The following ITFG1 variants were observed in gnomAD, a reference collection of about 807,000 sequenced individuals.
ITFG1 encodes integrin alpha FG-GAP repeat containing 1, also known as T-cell immunomodulatory protein.
Under a neutral mutation model 81.8 loss-of-function variants are expected in ITFG1, and 34 were observed. The observed-to-expected ratio is 0.42, with a 90% CI of 0.32 to 0.55. ITFG1 has a LOEUF of 0.55. Ranked by LOEUF, ITFG1 falls within the 20% of genes least tolerant of loss-of-function variation. The probability of loss-of-function intolerance (pLI) is 0.17; values close to 1 mark genes in which losing one functional copy is unlikely to be tolerated. For missense variants in ITFG1, 672 were observed against 755.4 expected (o/e 0.89, Z 1.29); for synonymous variants, 285 against 270.6 (o/e 1.05, Z -0.52).
At chr16:47,361,922 C>T (rs972242246) in intron 8 of ITFG1, among the ~76,000 whole-genome samples, 1 of 152,164 alleles carries the variant, frequency 6.6e-6, no homozygotes, top group Non-Finnish European at 1.5e-5. Flanking sequence ...CCTCTTCCCT[C>T]TTAAAGGGCT....
At chr16:47,457,521 A>T (rs1342447850) in intron 2 of ITFG1, among the ~76,000 whole-genome samples, 4 of 152,098 alleles carry the variant, frequency 2.6e-5, no homozygotes, top group Non-Finnish European at 5.9e-5. Flanking sequence ...TTAGTGTAAA[A>T]TTTTATTTTA....
chr16:47,199,652 A>G (rs905870695), intron 14 of ITFG1, among the ~76,000 whole-genome samples: 17 of 152,288 alleles, frequency 1.1e-4, no homozygotes, highest in Admixed American at 1.1e-3. Context: ...TTTGTGGAAG[A>G]CAATTTTTCC....
chr16:47,438,948 A>G (rs1969207375), intron 5 of ITFG1, among the ~76,000 whole-genome samples: 1 of 152,130 alleles, frequency 6.6e-6, no homozygotes, highest in Non-Finnish European at 1.5e-5. Flanking sequence ...AAAAAATTAG[A>G]CGAATGGATA....
intron 8 of ITFG1, among the ~76,000 whole-genome samples, chr16:47,340,053 T>C (rs1355332686): frequency 2.0e-5 from 3 of 152,054 alleles, no homozygotes; most frequent in Admixed American, 1.3e-4. Flanking sequence ...AGTGGGATGA[T>C]GTATTTAAAA....
intron 8 of ITFG1, among the ~76,000 whole-genome samples, chr16:47,350,452 T>A (rs961195556): frequency 6.6e-6 from 1 of 152,182 alleles, no homozygotes; most frequent in African/African-American, 2.4e-5. Flanking sequence ...ACAAATAAAC[T>A]AGAAACTCTA....
intron 10 of ITFG1, among the ~76,000 whole-genome samples, chr16:47,273,354 C>T (rs946178107): frequency 4.6e-5 from 7 of 152,078 alleles, no homozygotes; most frequent in Non-Finnish European, 1.0e-4. Flanking sequence ...AAAAATTAAA[C>T]ATTAAAAAAA....
chr16:47,250,821 G>A (rs528858667), intron 12 of ITFG1, among the ~76,000 whole-genome samples: 1 of 152,334 alleles, frequency 6.6e-6, no homozygotes, highest in African/African-American at 2.4e-5. Context: ...CAATGGGGGT[G>A]GACCCCCCAG....
chr16:47,164,463 C>T (rs1042531714), intron 14 of ITFG1, among the ~76,000 whole-genome samples: 2 of 152,176 alleles, frequency 1.3e-5, no homozygotes, highest in Non-Finnish European at 2.9e-5. Flanking sequence ...TTCCTGCTTA[C>T]GCAGGGCTTC....
chr16:47,177,596 T>C (rs1420705499), intron 14 of ITFG1, among the ~76,000 whole-genome samples: 2 of 152,222 alleles, frequency 1.3e-5, no homozygotes, highest in Non-Finnish European at 2.9e-5. Flanking sequence ...CATATTGTAA[T>C]TCTATAAGAT....
intron 13 of ITFG1, among the ~76,000 whole-genome samples, chr16:47,229,060 A>G (rs1406464068): frequency 6.6e-6 from 1 of 152,198 alleles, no homozygotes; most frequent in East Asian, 1.9e-4. Flanking sequence ...TACCTCAAAT[A>G]TTTGTCATGT....
chr16:47,418,383 T>C (rs1968899381), intron 6 of ITFG1, among the ~76,000 whole-genome samples: 1 of 152,176 alleles, frequency 6.6e-6, no homozygotes. Context: ...TAGCACAACA[T>C]AGTCCCATTT....
intron 8 of ITFG1, among the ~76,000 whole-genome samples, chr16:47,324,423 A>G (rs1170249403): frequency 1.3e-5 from 2 of 152,178 alleles, no homozygotes; most frequent in Non-Finnish European, 2.9e-5. Flanking sequence ...AAGAAACTGC[A>G]TCAACTAACA....
intron 12 of ITFG1, among the ~76,000 whole-genome samples, chr16:47,256,796 C>T (rs192845164): frequency 3.9e-5 from 6 of 152,300 alleles, no homozygotes; most frequent in East Asian, 1.9e-4. Flanking sequence ...AACACTAATA[C>T]GTTCTGTTGC....
intron 10 of ITFG1, among the ~76,000 whole-genome samples, chr16:47,303,490 G>A (rs1018739643): frequency 9.8e-4 from 1 of 1,024 alleles, no homozygotes; most frequent in Admixed American, 0.017. Flanking sequence ...TAATCTATCA[G>A]CCTTAGGGGG....
intron 6 of ITFG1, among the ~76,000 whole-genome samples, chr16:47,422,929 G>A (rs1968969873): frequency 6.6e-6 from 1 of 152,186 alleles, no homozygotes; most frequent in Non-Finnish European, 1.5e-5. Context: ...TTCTGTAGAT[G>A]TCTATTAGGT....
intron 10 of ITFG1, among the ~76,000 whole-genome samples, chr16:47,300,407 A>G (rs1209768311): frequency 2.0e-5 from 3 of 152,248 alleles, no homozygotes; most frequent in Non-Finnish European, 2.9e-5. Context: ...GACCTCTGAC[A>G]TGAATGGCTG....
intron 13 of ITFG1, among the ~76,000 whole-genome samples, chr16:47,234,352 A>C (rs1402979640): frequency 6.6e-6 from 1 of 152,236 alleles, no homozygotes; most frequent in African/African-American, 2.4e-5. Context: ...TAATAAATGA[A>C]GAATGCCTTG....
intron 5 of ITFG1, among the ~76,000 whole-genome samples, chr16:47,447,428 GAAAC>G (rs533992912): frequency 1.8e-3 from 270 of 152,106 alleles, no homozygotes; most frequent in African/African-American, 6.2e-3. Context: ...CATTTACTTA[GAAAC>G]AAACAATTTC....
rs79954287 is a variant in ITFG1, at chr16:47,421,500, T to A, written c.655+7304A>T. ...TCTGTATTTTAGTAGAGACAGAGTT[T>A]CAGAATGTTGGCAAGGATGGTCTTG... On this transcript the variant is annotated intron_variant, in intron 6 of 17. Transcript: ENST00000320640. Among the ~76,000 whole-genome samples the A allele has an allele frequency of 9.2e-4, 140 of 152,138 alleles. 1 individual carries two copies. In the East Asian group the frequency reaches 0.024, roughly 26 times the overall value.
Sources: allele counts gnomAD v4.1 joint callset (sites outside exome capture counted in the v4.1 genomes callset), GRCh38; gene constraint gnomAD v4.1.1; transcripts MANE v1.5; gene names NCBI Gene and HGNC (gene_info 2026-07-23, HGNC 2026-07-21).